Variants in SPMIP2 observed in about 807,000 individuals in gnomAD.
The protein encoded by SPMIP2 is sperm microtubule inner protein 2.
the SPMIP2 span, chr4:158,904,551 G>T: frequency 3.7e-6 from 6 of 1,610,348 alleles, no homozygotes; most frequent in Non-Finnish European, 5.1e-6. Flanking sequence ...ATAAGCTAAA[G>T]CTCAGGACAG....
At chr4:159,033,092 A>G in the SPMIP2 span, among the ~76,000 whole-genome samples, 101,318 of 152,074 alleles carry the variant, frequency 0.67, 34,662 homozygotes, top group African/African-American at 0.82. Flanking sequence ...TGACACATCC[A>G]CACAGTGAAA....
the SPMIP2 span, among the ~76,000 whole-genome samples, chr4:158,955,591 A>G: frequency 1.3e-5 from 2 of 152,080 alleles, no homozygotes; most frequent in Non-Finnish European, 2.9e-5. Context: ...TTTTTATTAG[A>G]GATGGGATTT....
At chr4:159,062,929 C>T in the SPMIP2 span, among the ~76,000 whole-genome samples, 21 of 149,630 alleles carry the variant, frequency 1.4e-4, no homozygotes, top group African/African-American at 4.2e-4. Context: ...CTGGGCTCAA[C>T]GGATACACCC....
chr4:159,004,289 C>CTTTTTTTTTTTTTTTT, the SPMIP2 span, among the ~76,000 whole-genome samples: 1 of 78,930 alleles, frequency 1.3e-5, no homozygotes, highest in Non-Finnish European at 2.3e-5. Flanking sequence ...ACTCTGTGCT[C>CTTTTTTTTTTTTTTTT]TTTTTTTTTT....
chr4:158,973,213 ATC>A, the SPMIP2 span: 3 of 1,613,784 alleles, frequency 1.9e-6, no homozygotes, highest in Non-Finnish European at 2.5e-6. Context: ...CTCCATAAAT[ATC>A]TGAGATCTCC....
chr4:158,901,128 A>ATT, the SPMIP2 span, among the ~76,000 whole-genome samples: 37,688 of 111,990 alleles, frequency 0.34, 7,305 homozygotes, highest in African/African-American at 0.5. Flanking sequence ...CTGGGTTGAA[A>ATT]TTTTTTTTTT....
At chr4:158,975,195 A>G in the SPMIP2 span, among the ~76,000 whole-genome samples, 1 of 151,858 alleles carries the variant, frequency 6.6e-6, no homozygotes, top group African/African-American at 2.4e-5. Flanking sequence ...GCATCTTGAT[A>G]TTAGCACTTT....
chr4:159,005,008 G>C, the SPMIP2 span, among the ~76,000 whole-genome samples: 2 of 151,630 alleles, frequency 1.3e-5, no homozygotes, highest in Non-Finnish European at 2.9e-5. Context: ...CGAGGCAAGC[G>C]GATCATGAGG....
chr4:159,048,271 CTGT>C, the SPMIP2 span, among the ~76,000 whole-genome samples: 1 of 152,186 alleles, frequency 6.6e-6, no homozygotes, highest in Non-Finnish European at 1.5e-5. Context: ...GTGCTATCTC[CTGT>C]TGAAGCCCAT....
chr4:159,077,887 A>G, the SPMIP2 span, among the ~76,000 whole-genome samples: 6 of 152,234 alleles, frequency 3.9e-5, no homozygotes, highest in African/African-American at 1.4e-4. Flanking sequence ...AAACTGAGAT[A>G]TGTAAACCAA....
chr4:158,949,268 T>C, the SPMIP2 span, among the ~76,000 whole-genome samples: 1 of 152,248 alleles, frequency 6.6e-6, no homozygotes, highest in Non-Finnish European at 1.5e-5. Context: ...TTTATCCTAT[T>C]GTCCTGGTGA....
the SPMIP2 span, among the ~76,000 whole-genome samples, chr4:158,983,498 G>A: frequency 6.6e-6 from 1 of 151,264 alleles, no homozygotes; most frequent in Non-Finnish European, 1.5e-5. Flanking sequence ...GAGACTGGGG[G>A]CCAATATTCA....
At chr4:158,963,188 T>C in the SPMIP2 span, among the ~76,000 whole-genome samples, 24 of 152,294 alleles carry the variant, frequency 1.6e-4, no homozygotes, top group Non-Finnish European at 3.2e-4. Context: ...ACATTAATAC[T>C]AGATCCCATT....
At chr4:158,999,926 G>A in the SPMIP2 span, among the ~76,000 whole-genome samples, 1 of 152,070 alleles carries the variant, frequency 6.6e-6, no homozygotes, top group African/African-American at 2.4e-5. Flanking sequence ...CTTGAACAGG[G>A]AAAAATGGCA....
At chr4:159,011,753 CCAAAA>C in the SPMIP2 span, among the ~76,000 whole-genome samples, 3 of 129,658 alleles carry the variant, frequency 2.3e-5, no homozygotes, top group Admixed American at 8.0e-5. Context: ...AAACTCCATC[CCAAAA>C]AAAAAAAAAA....
At chr4:158,901,673 G>A in the SPMIP2 span, among the ~76,000 whole-genome samples, 1 of 151,928 alleles carries the variant, frequency 6.6e-6, no homozygotes, top group Admixed American at 6.6e-5. Context: ...ATTTCTTGGA[G>A]GCTTTGTTCG....
the SPMIP2 span, among the ~76,000 whole-genome samples, chr4:158,928,185 G>A: frequency 3.9e-5 from 6 of 152,212 alleles, no homozygotes; most frequent in Admixed American, 3.3e-4. Context: ...TGGGGATGTG[G>A]AGAACCTTTA....
At chr4:158,929,342 G>A in the SPMIP2 span, among the ~76,000 whole-genome samples, 1 of 152,222 alleles carries the variant, frequency 6.6e-6, no homozygotes, top group Non-Finnish European at 1.5e-5. Context: ...TGATTGGATT[G>A]TTTAGTCCAT....
the SPMIP2 span, among the ~76,000 whole-genome samples, chr4:158,957,481 CA>C: frequency 6.6e-6 from 1 of 152,108 alleles, no homozygotes; most frequent in Admixed American, 6.6e-5. Flanking sequence ...GGCTGGAGTA[CA>C]GTGATACCAT....
Sources: gnomAD v4.1 joint callset for allele counts (sites outside exome capture counted in the v4.1 genomes callset) on GRCh38, gnomAD v4.1.1 for gene constraint, MANE v1.5 for transcripts, NCBI Gene and HGNC (gene_info 2026-07-23, HGNC 2026-07-21) for gene names.